The following GNA15 variants were observed in gnomAD, a reference collection of about 807,000 sequenced individuals.
The protein encoded by GNA15 is guanine nucleotide-binding protein subunit alpha-15.
In GNA15, 23 loss-of-function variants were observed where a neutral mutation model predicts 40.1. The ratio of observed to expected loss-of-function variants is 0.57; its 90% CI spans 0.41 to 0.81. The LOEUF (loss-of-function observed/expected upper bound fraction) is 0.81, where lower values mean the gene tolerates loss of function less well. Among genes scored for constraint, GNA15 ranks in the 40% least tolerant of loss-of-function variants. The pLI, the probability that GNA15 is intolerant of heterozygous loss-of-function variation, is 0.00. For synonymous variants in GNA15, 226 were observed against 210.4 expected (o/e 1.07, Z -0.64); for missense variants, 522 against 515.8 (o/e 1.01, Z -0.12).
At chr19:3,140,868 C>T (rs996387916) in intron 1 of GNA15, among the ~76,000 whole-genome samples, 2 of 152,192 alleles carry the variant, frequency 1.3e-5, no homozygotes, top group African/African-American at 4.8e-5. Flanking sequence ...CTCAGCCAGC[C>T]TCAAAGCAGG....
At position 3,155,506 on chromosome 19, in the gene GNA15, G is replaced by A. The variant is rs1460876398; in HGVS notation, c.615-317G>A. On this transcript the variant is annotated intron_variant, in intron 4 of 6. Transcript: ENST00000262958. This position sits in a 1 kb window ranked among gnomAD's most constrained non-coding sequence, Gnocchi z 5.6. ...GTTTGGCAATTTCCTCCGCCGGGTC[G>A]CCCAGCCAGCACCAGGGCACATCTC... 2.0e-5 allele frequency among the ~76,000 whole-genome samples: 3 copies of A among 152,142 alleles called. No homozygotes were observed. The highest frequency in any genetic ancestry group is 4.8e-5 in the African/African-American group (2 of 41,422).
chr19:3,163,083 AC>A lies in GNA15; in HGVS notation c.*68del. The stretch of plus-strand genomic sequence containing the variant: ...GTGGGAGGTGGGAGTGGCTGCAGGG[AC>A]CCCTAGTGTCCCTGGTCTATCTCTC... On this transcript the variant is annotated 3_prime_UTR_variant, in exon 7 of 7. Coordinates refer to ENST00000262958, the MANE Select transcript of GNA15 (RefSeq NM_002068.4). 3.9e-6 allele frequency: 4 copies of A among 1,018,574 alleles called. No individual in the cohort carries two copies. Among genetic ancestry groups the A allele is most frequent in the Non-Finnish European group, 6.2e-6 (4 of 649,648 alleles). 63.1% of individuals were successfully genotyped at this position (1,018,574 alleles called of 1,614,324 possible). A position where few individuals can be genotyped will look rare whatever the true frequency, so the allele number is the denominator to read the frequency against.
At chr19:3,142,427 T>C (rs1264426489) in intron 1 of GNA15, 1 of 152,130 alleles carries the variant, frequency 6.6e-6, no homozygotes, top group Non-Finnish European at 1.5e-5. Flanking sequence ...TTATCATTTA[T>C]TTCCTATAAC....
At chr19:3,143,322 C>T (rs373658) in intron 1 of GNA15, 70,784 of 152,026 alleles carry the variant, frequency 0.47, 16,849 homozygotes, top group African/African-American at 0.51. Context: ...TTGTTATAAT[C>T]ATTCAGGCAG....
intron 6 of GNA15, among the ~76,000 whole-genome samples, chr19:3,161,806 G>A (rs1026227902): frequency 4.6e-5 from 7 of 152,164 alleles, no homozygotes; most frequent in East Asian, 1.9e-4. Flanking sequence ...GCTGAGGCGC[G>A]CAGATCGCTT....
chr19:3,160,045 C>T (rs1400418531), intron 6 of GNA15, among the ~76,000 whole-genome samples: 3 of 152,192 alleles, frequency 2.0e-5, no homozygotes, highest in Non-Finnish European at 4.4e-5. Flanking sequence ...GAGTAACAAA[C>T]CATCCCCAAA....
intron 3 of GNA15, 46 bp downstream of exon 3, chr19:3,150,331 G>A: frequency 6.8e-7 from 1 of 1,475,960 alleles, no homozygotes; most frequent in East Asian, 2.5e-5. Context: ...GAGGGGCTGA[G>A]GGCAGGGGCC....
chr19:3,148,764 C>A lies in GNA15; in HGVS notation c.319C>A (p.Pro107Thr). 6.3e-7 allele frequency: 1 copy of A among 1,596,296 alleles called. No individual in the cohort carries two copies. The highest frequency in any genetic ancestry group is 2.3e-5 in the East Asian group (1 of 44,156). ...MERLQIPFSR[P>T]ESKHHASLVM... ...GCGGCTGCAGATTCCATTCAGCAGG[C>A]CCGAGAGCAAGGTGAGCCGCCAGGG... Residue 107 changes from proline to threonine, a missense_variant, in exon 2 of 7, where the codon CCC becomes ACC. Transcript: ENST00000262958.
At chr19:3,161,389 CT>C in intron 6 of GNA15, among the ~76,000 whole-genome samples, 1 of 152,288 alleles carries the variant, frequency 6.6e-6, no homozygotes. Flanking sequence ...TAGATGAGTC[CT>C]TAGTACATGC....
At chr19:3,156,641 C>T (rs540521335) in intron 5 of GNA15, among the ~76,000 whole-genome samples, 3 of 151,716 alleles carry the variant, frequency 2.0e-5, no homozygotes, top group South Asian at 2.1e-4. Flanking sequence ...TACAGGCACC[C>T]GCCACCACGC....
chr19:3,147,750 G>C (rs560125158), intron 1 of GNA15, among the ~76,000 whole-genome samples: 97 of 151,504 alleles, frequency 6.4e-4, no homozygotes, highest in Non-Finnish European at 2.9e-4. Flanking sequence ...AGCCGGGCGT[G>C]GTGGCGGGTG....
intron 1 of GNA15, among the ~76,000 whole-genome samples, chr19:3,138,654 G>A (rs907340641): frequency 2.0e-5 from 3 of 151,730 alleles, no homozygotes; most frequent in Admixed American, 6.6e-5. Context: ...TTTTTGAGAC[G>A]GAGTCTTGCT....
intron 1 of GNA15, among the ~76,000 whole-genome samples, chr19:3,137,410 G>T (rs1467061081): frequency 2.6e-5 from 4 of 152,184 alleles, no homozygotes; most frequent in South Asian, 4.1e-4. Context: ...ACTTTGGGAG[G>T]CCCAGGCGGG....
chr19:3,142,504 A>C (rs8104661), intron 1 of GNA15: 44,919 of 151,796 alleles, frequency 0.3, 6,728 homozygotes, highest in Non-Finnish European at 0.32. Context: ...GCCAAGACTT[A>C]TGTTTGTTCT....
In GNA15 at chr19:3,156,092, T is replaced by C; in HGVS notation, c.744+140T>C. On this transcript the variant is annotated intron_variant, in intron 5 of 6. Transcript: ENST00000262958. ...CCCAGCATGGCTATGAACTTGACCC[T>C]TCAGCCTTTTGTGGTCAGATTGCAG... The C allele has an allele frequency of 3.8e-6, 3 of 781,462 alleles. 1 individual carries two copies. In the South Asian group the frequency reaches 5.4e-5, roughly 14 times the overall value. 48.4% of individuals were successfully genotyped at this position (781,462 alleles called of 1,614,324 possible). A position where few individuals can be genotyped will look rare whatever the true frequency, so the allele number is the denominator to read the frequency against.
At chr19:3,144,398 A>G (rs1914648524) in intron 1 of GNA15, among the ~76,000 whole-genome samples, 1 of 152,208 alleles carries the variant, frequency 6.6e-6, no homozygotes, top group South Asian at 2.1e-4. Context: ...GTGAGTTGAC[A>G]TGTCCCCATC....
rs140597256 is a variant in GNA15 at position 3,148,707 on chromosome 19, G to A, written c.262G>A (p.Val88Met). The change falls in exon 2 of 7, where the codon GTG becomes ATG. Residue 88 changes from valine (V) to methionine (M), a missense_variant. By Grantham distance (21) the Val-to-Met change is conservative (BLOSUM62 1). Coordinates refer to ENST00000262958, the MANE Select transcript of GNA15 (RefSeq NM_002068.4). ...FRPLVYQNIF[V>M]SMRAMIEAME... ...GCCCCTGGTCTACCAGAACATCTTC[G>A]TGTCCATGCGGGCCATGATCGAGGC... The A allele has an allele frequency of 3.1e-6, 5 of 1,602,590 alleles. No individual in the cohort carries two copies. Among genetic ancestry groups the A allele is most frequent in the Admixed American group, 3.4e-5 (2 of 58,398 alleles).
intron 5 of GNA15, among the ~76,000 whole-genome samples, chr19:3,156,495 G>C (rs947239631): frequency 2.0e-5 from 3 of 151,218 alleles, no homozygotes; most frequent in African/African-American, 7.3e-5. Context: ...CAGGCACACA[G>C]GCACACACAT....
chr19:3,148,716 C>A lies in GNA15; in HGVS notation c.271C>A (p.Arg91=), dbSNP rs1225137867. The change falls in exon 2 of 7, where the codon CGG becomes AGG. Residue 91 remains arginine (R), a synonymous_variant. Coordinates refer to ENST00000262958, the MANE Select transcript of GNA15 (RefSeq NM_002068.4). ...LVYQNIFVSM[R]AMIEAMERLQ... ...CTACCAGAACATCTTCGTGTCCATG[C>A]GGGCCATGATCGAGGCCATGGAGCG... 5 of 1,602,256 alleles carry A rather than the reference C, an allele frequency of 3.1e-6. No individual in the cohort carries two copies. Among genetic ancestry groups the A allele is most frequent in the Non-Finnish European group, 4.3e-6 (5 of 1,175,022 alleles).
Sources: allele counts gnomAD v4.1 joint callset (sites outside exome capture counted in the v4.1 genomes callset), GRCh38; gene constraint gnomAD v4.1.1; non-coding constraint Gnocchi (gnomAD v3.1); transcripts MANE v1.5; gene names NCBI Gene and HGNC (gene_info 2026-07-23, HGNC 2026-07-21).